The following TPO variants were observed in gnomAD, a reference collection of about 807,000 sequenced individuals.
TPO encodes thyroid peroxidase.
TPO carries 78 observed loss-of-function variants against 96.9 expected under a neutral mutation model. That is an observed-to-expected ratio of 0.81 (90% CI 0.67 to 0.97). TPO has a LOEUF of 0.97. TPO is among the 50% of genes least tolerant of loss of function. The pLI is 0.00. For missense variants in TPO, 1,252 were observed against 1,274.8 expected (o/e 0.98, Z 0.27); for synonymous variants, 547 against 538.0 (o/e 1.02, Z -0.23).
chr2:1,409,947 G>A (rs1662303621), upstream of TPO, among the ~76,000 whole-genome samples: 1 of 149,280 alleles, frequency 6.7e-6, no homozygotes, highest in South Asian at 2.2e-4. Context: ...CGGGGCAGGT[G>A]CGGTGGGGGG....
rs918070952 is a variant in TPO, at chr2:1,489,998, G to A, written c.1768+2007G>A. ...CCCACACAGGGGGAGTCACGACACA[G>A]CAGTGTAAGAGCCGCCACGAGGGTC... On this transcript the variant is annotated intron_variant, in intron 10 of 16. Coordinates refer to ENST00000329066, the MANE Select transcript of TPO (RefSeq NM_001206744.2). 3.8e-3 allele frequency among the ~76,000 whole-genome samples: 421 copies of A among 111,264 alleles called. 4 individuals carry two copies. The highest frequency in any genetic ancestry group is 0.012 in the African/African-American group (343 of 28,770). 73.0% of individuals were successfully genotyped at this position (111,264 alleles called of 152,430 possible).
chr2:1,506,432 A>G (rs979989977), intron 14 of TPO, among the ~76,000 whole-genome samples: 8 of 152,124 alleles, frequency 5.3e-5, no homozygotes, highest in African/African-American at 1.9e-4. Flanking sequence ...TGGTATTTCT[A>G]GTTCTAGATC....
chr2:1,538,221 T>C (rs2125336867), intron 15 of TPO, among the ~76,000 whole-genome samples: 1 of 152,178 alleles, frequency 6.6e-6, no homozygotes, highest in South Asian at 2.1e-4. Flanking sequence ...CCTCCCTTCT[T>C]TGCCCAGAAG....
intron 3 of TPO, among the ~76,000 whole-genome samples, chr2:1,430,805 C>T (rs893189060): frequency 6.7e-6 from 1 of 149,182 alleles, no homozygotes; most frequent in Non-Finnish European, 1.5e-5. Context: ...GCCTATCAAG[C>T]CTTCCTGTTG....
At chr2:1,487,097 C>T (rs552504786) in intron 9 of TPO, among the ~76,000 whole-genome samples, 12 of 152,314 alleles carry the variant, frequency 7.9e-5, no homozygotes, top group African/African-American at 2.4e-4. Flanking sequence ...GCTTTCCATG[C>T]GGGGCCTTTG....
chr2:1,540,880 G>C (rs1182713777), intron 16 of TPO, 157 bp downstream of exon 16: 1 of 1,548,616 alleles, frequency 6.5e-7, no homozygotes, highest in African/African-American at 1.4e-5. Flanking sequence ...TTATTTACAA[G>C]CTAATGACAG....
intron 15 of TPO, among the ~76,000 whole-genome samples, chr2:1,538,508 T>G (rs1051453773): frequency 2.6e-5 from 4 of 152,204 alleles, no homozygotes; most frequent in African/African-American, 9.7e-5. Flanking sequence ...ATAAGAGCTC[T>G]CTAGATTGAA....
chr2:1,496,566 C>G, intron 12 of TPO, 29 bp from the exon 13 acceptor site: 1 of 1,613,178 alleles, frequency 6.2e-7, no homozygotes, highest in Non-Finnish European at 8.5e-7. Context: ...CGTAGTTTGA[C>G]TACATGTCAA....
chr2:1,538,337 G>C (rs1680319681), intron 15 of TPO, among the ~76,000 whole-genome samples: 1 of 152,160 alleles, frequency 6.6e-6, no homozygotes, highest in Non-Finnish European at 1.5e-5. Flanking sequence ...GGCATACCCT[G>C]TCCTTGTTTC....
intron 13 of TPO, among the ~76,000 whole-genome samples, chr2:1,502,723 A>G (rs1672999695): frequency 6.6e-6 from 1 of 152,234 alleles, no homozygotes; most frequent in Admixed American, 6.5e-5. Context: ...GTCATTATCA[A>G]TAATGGCATT....
At chr2:1,493,673 C>T (rs1156491996) in intron 10 of TPO, 129 bp from the exon 11 acceptor site, 6 of 1,090,208 alleles carry the variant, frequency 5.5e-6, no homozygotes, top group Non-Finnish European at 8.2e-6. Context: ...AACTGCCAGG[C>T]AGTGTCACAG....
rs76948974 is a variant in TPO at position 1,516,403 on chromosome 2, C to A, written c.2519-480C>A. On this transcript the variant is annotated intron_variant, in intron 14 of 16. Transcript: ENST00000329066. ...CCACCTTCCTTCAACCACGGTTTCA[C>A]CTCCAGGAGGCTTCTGGGAAAGATA... Among the ~76,000 whole-genome samples, 947 of 152,344 alleles carry A rather than the reference C, an allele frequency of 6.2e-3. 11 individuals are homozygous for A. The highest frequency in any genetic ancestry group is 0.022 in the African/African-American group (908 of 41,586).
chr2:1,515,459 G>A (rs1205983766), intron 14 of TPO, among the ~76,000 whole-genome samples: 1 of 152,202 alleles, frequency 6.6e-6, no homozygotes, highest in African/African-American at 2.4e-5. Flanking sequence ...GTCATGAGGT[G>A]CAAAGGCTAA....
At chr2:1,496,307 C>G (rs1380112924) in intron 12 of TPO, 110 bp downstream of exon 12, 1 of 1,179,336 alleles carries the variant, frequency 8.5e-7, no homozygotes, top group East Asian at 2.8e-5. Context: ...AAAATAGTGT[C>G]AACGCCCTGC....
At chr2:1,521,268 C>T (rs1166789328) in intron 15 of TPO, among the ~76,000 whole-genome samples, 2 of 152,198 alleles carry the variant, frequency 1.3e-5, no homozygotes, top group Non-Finnish European at 2.9e-5. Flanking sequence ...CCCTTTGTTC[C>T]CTCCTGCACC....
At chr2:1,425,620 T>C (rs1303182395) in intron 3 of TPO, among the ~76,000 whole-genome samples, 2 of 152,220 alleles carry the variant, frequency 1.3e-5, no homozygotes, top group African/African-American at 2.4e-5. Flanking sequence ...GATACAGAGA[T>C]GCATTAGATC....
chr2:1,484,550 C>T (rs1670943801), intron 8 of TPO, 46 bp from the exon 9 acceptor site: 7 of 1,613,282 alleles, frequency 4.3e-6, no homozygotes, highest in East Asian at 2.2e-5. Flanking sequence ...GGCGACCCTC[C>T]TCTGGTATCC....
At chr2:1,396,674 C>A (rs938331177) in intron 1 of TPO, among the ~76,000 whole-genome samples, 1 of 152,100 alleles carries the variant, frequency 6.6e-6, no homozygotes, top group Admixed American at 6.5e-5. Flanking sequence ...AGTCTCATCC[C>A]AAATCCCACC....
chr2:1,515,295 C>T (rs933648977), intron 14 of TPO, among the ~76,000 whole-genome samples: 2 of 152,180 alleles, frequency 1.3e-5, no homozygotes, highest in Admixed American at 6.5e-5. Context: ...GGAGGAGCGG[C>T]ATCCCAGGGC....
Sources: allele counts gnomAD v4.1 joint callset (sites outside exome capture counted in the v4.1 genomes callset), GRCh38; gene constraint gnomAD v4.1.1; transcripts MANE v1.5; gene names NCBI Gene and HGNC (gene_info 2026-07-23, HGNC 2026-07-21).